MTOR: variants seen among roughly 807,000 people sequenced by gnomAD.
MTOR encodes mechanistic target of rapamycin kinase.
Under a neutral mutation model 319.8 loss-of-function variants are expected in MTOR, and 70 were observed. That is an observed-to-expected ratio of 0.22 (90% CI 0.18 to 0.27). The LOEUF (loss-of-function observed/expected upper bound fraction) is 0.27. Among genes scored for constraint, MTOR ranks in the 10% least tolerant of loss-of-function variants. MTOR has a pLI of 1.00. For missense variants in MTOR, 1,890 were observed against 3,274.4 expected (o/e 0.58, Z 10.32); for synonymous variants, 1,183 against 1,211.4 (o/e 0.98, Z 0.49).
rs2100909813 is a variant in MTOR, at chr1:11,240,417, G to A, written c.1672C>T (p.Pro558Ser). The A allele has an allele frequency of 6.2e-7, 1 of 1,614,272 alleles. No individual in the cohort carries two copies. Among genetic ancestry groups the A allele is most frequent in the Non-Finnish European group, 8.5e-7 (1 of 1,180,050 alleles). The change falls in exon 11 of 58, where the codon CCC becomes TCC. Residue 558 changes from proline (P) to serine (S), a missense_variant. Pro to Ser is a moderately conservative substitution (Grantham distance 74). Coordinates refer to ENST00000361445, the MANE Select transcript of MTOR (RefSeq NM_004958.4). ...GCCAGCTGATGGGCCAGGCCCTTGG[G>A]CATGCCTGGGTGGCGAAGGGGTTTG... ...MHKPLRHPGMPKGLAHQLASP... is the reference protein window; with the variant it reads ...MHKPLRHPGMSKGLAHQLASP...
intron 38 of MTOR, chr1:11,131,403 G>A (rs1380699514): frequency 1.9e-5 from 3 of 154,740 alleles, no homozygotes; most frequent in Non-Finnish European, 4.3e-5. Flanking sequence ...GAGCTGCACT[G>A]GGTATAAAGT....
Position 11,212,417 on chromosome 1 carries a change from G to C in MTOR, c.3456C>G (p.Ala1152=), listed in dbSNP as rs373476614. ...GAACAATAGGGTGAATGATCCGGGA[G>C]GCATAGTCAGTGAAATCCAGGGACT... ...LTESLDFTDY[A]SRIIHPIVRT... Residue 1152 remains alanine (A), a synonymous_variant, in exon 23 of 58, where the codon GCC becomes GCG. Transcript: ENST00000361445. This position sits in a 1 kb window ranked among gnomAD's most constrained non-coding sequence, Gnocchi z 4.1. 9 of 1,614,174 alleles carry C rather than the reference G, an allele frequency of 5.6e-6. No individual in the cohort carries two copies. Among genetic ancestry groups the C allele is most frequent in the Non-Finnish European group, 7.6e-6 (9 of 1,180,024 alleles).
chr1:11,108,371 C>T lies in MTOR; in HGVS notation c.7529-85G>A, dbSNP rs74387646. On this transcript the variant is annotated intron_variant, in intron 56 of 57. Coordinates refer to ENST00000361445, the MANE Select transcript of MTOR (RefSeq NM_004958.4). ...TCCCTGTGGGCTTAACTGTCTATGC[C>T]AACAGCTTATCGTCAGACATGAAGA... 4.1e-4 allele frequency: 439 copies of T among 1,065,218 alleles called. 4 individuals are homozygous for T. In the East Asian group the frequency reaches 6.7e-3, roughly 16 times the overall value. The allele number at this position is 1,065,218 out of a possible 1,614,324, so 66.0% of individuals were successfully genotyped here.
Position 11,240,078 on chromosome 1 carries a change from A to T in MTOR, c.1786+225T>A, listed in dbSNP as rs80128753. On this transcript the variant is annotated intron_variant, in intron 11 of 57. Coordinates refer to ENST00000361445, the MANE Select transcript of MTOR (RefSeq NM_004958.4). ...AAGCATTATTTCCTTGGATCAACGT[A>T]TACTTTCCCTCAAACCATTTGCCCC... Among the ~76,000 whole-genome samples the T allele has an allele frequency of 3.3e-3, 501 of 152,312 alleles. 2 individuals are homozygous for T. Among genetic ancestry groups the T allele is most frequent in the African/African-American group, 0.011 (473 of 41,564 alleles).
intron 57 of MTOR, among the ~76,000 whole-genome samples, chr1:11,107,842 T>C (rs1382313350): frequency 5.3e-5 from 8 of 152,256 alleles, no homozygotes; most frequent in Admixed American, 5.2e-4. Flanking sequence ...GCTCTAGCTT[T>C]TTCTTTCCTT....
chr1:11,149,195 AAG>A (rs1644050577), intron 31 of MTOR: 1 of 152,166 alleles, frequency 6.6e-6, no homozygotes, highest in South Asian at 2.1e-4. Context: ...CCTATTGCCA[AAG>A]AGATTGGTTC....
In MTOR at chr1:11,127,997, G is replaced by A. The variant is rs754892418; in HGVS notation, c.6033+7C>T. ...GTCTATGAAGCCCCACAGTGGCTCCGACCCACCATCATGGCCTGCTGGACC... is the reference window on the plus strand; with the variant it reads ...GTCTATGAAGCCCCACAGTGGCTCCAACCCACCATCATGGCCTGCTGGACC... On this transcript the variant is annotated splice_region_variant and intron_variant, in intron 43 of 57. Coordinates refer to ENST00000361445, the MANE Select transcript of MTOR (RefSeq NM_004958.4). This position sits in a 1 kb window ranked among gnomAD's most constrained non-coding sequence, Gnocchi z 5.5. The A allele has an allele frequency of 5.0e-6, 8 of 1,613,542 alleles. No homozygotes were observed. In the East Asian group the frequency reaches 1.1e-4, roughly 22 times the overall value.
At chr1:11,189,888 C>A in intron 28 of MTOR, 1 of 1,614,082 alleles carries the variant, frequency 6.2e-7, no homozygotes. Flanking sequence ...GCAAGTACTC[C>A]GAGATGAACA....
intron 4 of MTOR, among the ~76,000 whole-genome samples, 160 bp downstream of exon 4, chr1:11,256,773 G>A (rs1406872839): frequency 6.6e-6 from 1 of 152,120 alleles, no homozygotes; most frequent in African/African-American, 2.4e-5. Flanking sequence ...CACCATGCTA[G>A]ATTCCCTCTT....
chr1:11,160,885 A>G (rs934147485), intron 29 of MTOR, among the ~76,000 whole-genome samples: 22 of 152,186 alleles, frequency 1.4e-4, no homozygotes, highest in African/African-American at 5.3e-4. Context: ...TGATTTCTGC[A>G]TTTCACCTGA....
chr1:11,230,674 A>T (rs1418357958), intron 18 of MTOR, among the ~76,000 whole-genome samples: 2 of 152,230 alleles, frequency 1.3e-5, no homozygotes, highest in Middle Eastern at 3.2e-3. Context: ...CATTGGCATC[A>T]AAAAGCAGAC....
intron 29 of MTOR, among the ~76,000 whole-genome samples, chr1:11,163,951 G>C (rs557014662): frequency 6.6e-6 from 1 of 152,148 alleles, no homozygotes. Context: ...AACTGAAGGA[G>C]ACAGAGACAC....
chr1:11,205,602 G>GT (rs2100768512), intron 25 of MTOR, among the ~76,000 whole-genome samples: 1 of 152,290 alleles, frequency 6.6e-6, no homozygotes, highest in South Asian at 2.1e-4. Flanking sequence ...CTCAGCAGCT[G>GT]TAACACCCTG....
rs540706656 is a variant in MTOR, at chr1:11,165,744, C to G, written c.4329+1698G>C. Among the ~76,000 whole-genome samples the G allele has an allele frequency of 1.4e-3, 212 of 152,232 alleles. 1 individual carries two copies. Among genetic ancestry groups the G allele is most frequent in the African/African-American group, 4.7e-3 (196 of 41,556 alleles). On this transcript the variant is annotated intron_variant, in intron 29 of 57. Transcript: ENST00000361445. ...TTCTTCACAGAATTGGAAAAAACTA[C>G]TTTAAAGTTCATATGGAACCAAAAA... is the stretch of plus-strand genomic sequence containing the variant.
chr1:11,148,651 C>T (rs1216532437), intron 31 of MTOR, among the ~76,000 whole-genome samples: 1 of 152,036 alleles, frequency 6.6e-6, no homozygotes, highest in Admixed American at 6.6e-5. Flanking sequence ...CCTGTAATTC[C>T]AGCACTTTGG....
At chr1:11,155,774 T>C (rs1644299159) in intron 30 of MTOR, among the ~76,000 whole-genome samples, 1 of 152,176 alleles carries the variant, frequency 6.6e-6, no homozygotes, top group Admixed American at 6.5e-5. Context: ...CCTGGTTGTC[T>C]GTCCTGTAAG....
intron 29 of MTOR, among the ~76,000 whole-genome samples, chr1:11,159,141 G>T (rs913203755): frequency 2.6e-5 from 4 of 152,196 alleles, no homozygotes; most frequent in Non-Finnish European, 5.9e-5. Flanking sequence ...GATGTCTGCG[G>T]AGTCCTTGTC....
rs111455893 is a variant in MTOR, at chr1:11,241,236, G to T, written c.1541+317C>A. Among the ~76,000 whole-genome samples, 712 of 151,402 alleles carry T rather than the reference G, an allele frequency of 4.7e-3. 4 individuals are homozygous for T. The highest frequency in any genetic ancestry group is 0.016 in the African/African-American group (643 of 41,202). On this transcript the variant is annotated intron_variant, in intron 10 of 57. Transcript: ENST00000361445. ...CTCAGGAGGCTGAGGCAGGAGAATG[G>T]CGTGAACCCGGGAGGCGGAGCTTGC...
intron 10 of MTOR, among the ~76,000 whole-genome samples, 199 bp downstream of exon 10, chr1:11,241,354 A>T (rs1648000336): frequency 6.7e-6 from 1 of 150,278 alleles, no homozygotes; most frequent in Non-Finnish European, 1.5e-5. Flanking sequence ...AGGCTCGGGG[A>T]AATTAAATAA....
Sources: allele counts gnomAD v4.1 joint callset (sites outside exome capture counted in the v4.1 genomes callset), GRCh38; gene constraint gnomAD v4.1.1; non-coding constraint Gnocchi (gnomAD v3.1); transcripts MANE v1.5; gene names NCBI Gene and HGNC (gene_info 2026-07-23, HGNC 2026-07-21).